CDA: variants seen among roughly 807,000 people sequenced by gnomAD.
CDA encodes the protein cytidine aminohydrolase.
Under a neutral mutation model 15.0 loss-of-function variants are expected in CDA, and 7 were observed. That is an observed-to-expected ratio of 0.47 (90% CI 0.26 to 0.87). CDA has a LOEUF of 0.87. Among genes scored for constraint, CDA ranks in the 40% least tolerant of loss-of-function variants. The probability of loss-of-function intolerance (pLI) is 0.15; values close to 1 mark genes in which losing one functional copy is unlikely to be tolerated. For missense variants in CDA, 159 were observed against 182.7 expected, an observed-to-expected ratio of 0.87 and a Z score of 0.75; for synonymous variants, 58 against 73.0, an observed-to-expected ratio of 0.79 and a Z score of 1.05.
intron 2 of CDA, among the ~76,000 whole-genome samples, chr1:20,611,747 A>T (rs376354622): frequency 1.3e-5 from 2 of 151,892 alleles, no homozygotes; most frequent in African/African-American, 4.8e-5. Context: ...AGGAGCCTAA[A>T]CTCTCACAGG....
chr1:20,605,815 C>A lies in CDA; in HGVS notation c.266+776C>A, dbSNP rs1482299452. On this transcript the variant is annotated intron_variant, in intron 2 of 3. Coordinates refer to ENST00000375071, the MANE Select transcript of CDA (RefSeq NM_001785.3). ...CTCCAGCCTGGGGGACAGAGTGAGA[C>A]CCTGTCTCAAAAACAACACAAAACA... 1.6e-5 allele frequency among the ~76,000 whole-genome samples: 2 copies of A among 123,582 alleles called. 1 individual carries two copies. The highest frequency in any genetic ancestry group is 3.6e-5 in the Non-Finnish European group (2 of 55,816). 81.1% of individuals were successfully genotyped at this position (123,582 alleles called of 152,430 possible). A position where few individuals can be genotyped will look rare whatever the true frequency, so the allele number is the denominator to read the frequency against.
chr1:20,616,812 G>A (rs927028139), intron 3 of CDA, among the ~76,000 whole-genome samples: 3 of 152,138 alleles, frequency 2.0e-5, no homozygotes, highest in African/African-American at 7.2e-5. Flanking sequence ...GGCACAGCCT[G>A]TCAAGCAGAA....
intron 1 of CDA, among the ~76,000 whole-genome samples, chr1:20,601,251 AG>A (rs1471628236): frequency 1.3e-5 from 2 of 152,194 alleles, no homozygotes; most frequent in East Asian, 3.8e-4. Flanking sequence ...GCCCACACTC[AG>A]TGTCTCAAGA....
intron 1 of CDA, among the ~76,000 whole-genome samples, chr1:20,602,829 G>C (rs1188334926): frequency 6.6e-6 from 1 of 152,176 alleles, no homozygotes; most frequent in Non-Finnish European, 1.5e-5. Flanking sequence ...ATACAGAAAT[G>C]CCACACCCAG....
intron 2 of CDA, among the ~76,000 whole-genome samples, chr1:20,607,998 C>T (rs540544391): frequency 6.6e-5 from 10 of 152,246 alleles, no homozygotes; most frequent in South Asian, 4.1e-4. Context: ...GTTTCCAGCC[C>T]GTCAAGTCTG....
intron 2 of CDA, among the ~76,000 whole-genome samples, chr1:20,610,325 G>A (rs890742028): frequency 6.0e-5 from 8 of 134,108 alleles, no homozygotes; most frequent in South Asian, 2.3e-4. Context: ...TTTTTGAGAT[G>A]GAGTCTTGCT....
intron 1 of CDA, among the ~76,000 whole-genome samples, chr1:20,600,724 A>C (rs1237733413): frequency 6.8e-6 from 1 of 147,102 alleles, no homozygotes; most frequent in Non-Finnish European, 1.5e-5. Context: ...ACTACACTCC[A>C]ACCTGCATGA....
chr1:20,591,932 C>T (rs189144668), intron 1 of CDA, among the ~76,000 whole-genome samples: 10 of 151,612 alleles, frequency 6.6e-5, no homozygotes, highest in Admixed American at 3.3e-4. Context: ...CAATCTCCGA[C>T]GCCCAGGTTC....
At chr1:20,616,549 C>T (rs535800923) in intron 3 of CDA, among the ~76,000 whole-genome samples, 4 of 152,154 alleles carry the variant, frequency 2.6e-5, no homozygotes, top group Admixed American at 2.0e-4. Flanking sequence ...GTGGAAATGT[C>T]GAAGGTCATA....
intron 3 of CDA, among the ~76,000 whole-genome samples, chr1:20,615,251 G>A (rs767905460): frequency 1.1e-4 from 16 of 151,998 alleles, no homozygotes; most frequent in Non-Finnish European, 2.1e-4. Flanking sequence ...GGGAATAAAG[G>A]TAAGCCATTG....
intron 1 of CDA, among the ~76,000 whole-genome samples, chr1:20,596,487 A>G (rs917274766): frequency 6.6e-6 from 1 of 152,194 alleles, no homozygotes; most frequent in Admixed American, 6.5e-5. Context: ...AGGCAAAGGC[A>G]GGAGGATTGC....
intron 1 of CDA, among the ~76,000 whole-genome samples, 154 bp downstream of exon 1, chr1:20,589,437 C>T (rs997638480): frequency 6.6e-5 from 10 of 152,138 alleles, no homozygotes; most frequent in Middle Eastern, 3.2e-3. Flanking sequence ...CCTACCCTGC[C>T]GACTGCCCCA....
intron 1 of CDA, among the ~76,000 whole-genome samples, chr1:20,597,990 A>C (rs818197): frequency 0.78 from 118,549 of 151,534 alleles, 46,697 homozygotes; most frequent in Middle Eastern, 0.89. Flanking sequence ...AAGCATCTAG[A>C]ACTGAAGTGG....
chr1:20,607,722 G>A (rs952019166), intron 2 of CDA, among the ~76,000 whole-genome samples: 1 of 152,114 alleles, frequency 6.6e-6, no homozygotes, highest in Non-Finnish European at 1.5e-5. Flanking sequence ...TGTACTCTAG[G>A]TATTCAGCTC....
chr1:20,618,321 C>G (rs1318143066), intron 3 of CDA, 131 bp from the exon 4 acceptor site: 13 of 692,958 alleles, frequency 1.9e-5, no homozygotes, highest in Non-Finnish European at 3.2e-5. Flanking sequence ...ATGGTCATTC[C>G]CCTTTTACAG....
intron 2 of CDA, among the ~76,000 whole-genome samples, chr1:20,613,580 G>A (rs553151004): frequency 9.2e-5 from 14 of 152,278 alleles, no homozygotes; most frequent in Non-Finnish European, 1.3e-4. Context: ...TTGTATTCCC[G>A]GGTGTGGGTG....
intron 3 of CDA, among the ~76,000 whole-genome samples, chr1:20,617,264 T>C (rs769832627): frequency 2.6e-5 from 4 of 152,178 alleles, no homozygotes; most frequent in Non-Finnish European, 5.9e-5. Flanking sequence ...GAGACAAATT[T>C]TTCTTTGCTG....
chr1:20,599,255 T>A (rs1278493155), intron 1 of CDA, among the ~76,000 whole-genome samples: 2 of 152,088 alleles, frequency 1.3e-5, no homozygotes, highest in African/African-American at 4.8e-5. Context: ...CAAAAGGAGA[T>A]GCGAGCCAAG....
chr1:20,613,701 C>T (rs1244622633), intron 2 of CDA, 141 bp from the exon 3 acceptor site: 23 of 774,214 alleles, frequency 3.0e-5, no homozygotes, highest in Non-Finnish European at 8.9e-6. Context: ...GCCTTCAGGA[C>T]ACAGTGGATC....
Sources: gnomAD v4.1 joint callset for allele counts (sites outside exome capture counted in the v4.1 genomes callset) on GRCh38, gnomAD v4.1.1 for gene constraint, MANE v1.5 for transcripts, NCBI Gene and HGNC (gene_info 2026-07-23, HGNC 2026-07-21) for gene names.